The following PPP1R12A variants were observed in gnomAD, a reference collection of about 807,000 sequenced individuals.
The protein encoded by PPP1R12A is myosin binding subunit.
A neutral mutation model predicts 139.6 loss-of-function variants in PPP1R12A; 19 were observed. The ratio of observed to expected loss-of-function variants is 0.14; its 90% CI spans 0.09 to 0.20. The LOEUF is 0.20. PPP1R12A is among the 10% of genes least tolerant of loss of function. The pLI is 1.00. For synonymous variants in PPP1R12A, 427 were observed against 420.6 expected, an observed-to-expected ratio of 1.02 and a Z score of -0.19; for missense variants, 925 against 1,211.5, an observed-to-expected ratio of 0.76 and a Z score of 3.51.
At chr12:79,853,775 G>A (rs983684675) in intron 2 of PPP1R12A, among the ~76,000 whole-genome samples, 6 of 152,080 alleles carry the variant, frequency 3.9e-5, no homozygotes, top group African/African-American at 1.4e-4. Context: ...CTTTATTACT[G>A]CAACTTCCAA....
chr12:79,803,819 G>A (rs899303726), intron 14 of PPP1R12A, among the ~76,000 whole-genome samples: 2 of 151,856 alleles, frequency 1.3e-5, no homozygotes, highest in East Asian at 1.9e-4. Context: ...ATATCCAAGC[G>A]TTTAATTTTC....
intron 14 of PPP1R12A, among the ~76,000 whole-genome samples, chr12:79,804,597 G>C (rs1592640078): frequency 6.6e-6 from 1 of 151,896 alleles, no homozygotes; most frequent in East Asian, 1.9e-4. Context: ...CTGTATGTAA[G>C]TACTACGTGA....
At chr12:79,825,860 AAAC>A (rs1876693043) in intron 5 of PPP1R12A, among the ~76,000 whole-genome samples, 2 of 152,114 alleles carry the variant, frequency 1.3e-5, no homozygotes, top group South Asian at 4.2e-4. Flanking sequence ...CAGACAATAA[AAAC>A]AGTCTAATTC....
intron 14 of PPP1R12A, among the ~76,000 whole-genome samples, chr12:79,803,221 C>T (rs562772204): frequency 6.6e-6 from 1 of 152,196 alleles, no homozygotes; most frequent in South Asian, 2.1e-4. Flanking sequence ...TGATAATTAC[C>T]ACCTAATATT....
intron 5 of PPP1R12A, among the ~76,000 whole-genome samples, chr12:79,822,435 C>T (rs993269835): frequency 2.0e-5 from 3 of 152,058 alleles, no homozygotes; most frequent in African/African-American, 7.2e-5. Flanking sequence ...AATTCATATA[C>T]CATACAAATC....
At chr12:79,890,905 C>CCCACA (rs1555235834) in intron 1 of PPP1R12A, among the ~76,000 whole-genome samples, 7 of 115,682 alleles carry the variant, frequency 6.1e-5, no homozygotes, top group Admixed American at 1.8e-4. Flanking sequence ...CCACACCCAC[C>CCCACA]CACACACACA....
intron 14 of PPP1R12A, among the ~76,000 whole-genome samples, chr12:79,799,442 G>A (rs1872845088): frequency 6.6e-6 from 1 of 152,266 alleles, no homozygotes; most frequent in Middle Eastern, 3.4e-3. Context: ...GGGCCACCGC[G>A]CCCGGTCTCC....
chr12:79,838,107 A>G (rs1013549655), intron 3 of PPP1R12A, among the ~76,000 whole-genome samples: 1 of 152,200 alleles, frequency 6.6e-6, no homozygotes, highest in Non-Finnish European at 1.5e-5. Flanking sequence ...TTTGACCAAA[A>G]TGCTGATAGT....
At chr12:79,790,431 G>C in intron 20 of PPP1R12A, 36 bp downstream of exon 20, 4 of 1,228,348 alleles carry the variant, frequency 3.3e-6, no homozygotes, top group Non-Finnish European at 4.4e-6. Context: ...ATAAAAATAA[G>C]AAAAAAATGT....
rs1217945063 is a variant in PPP1R12A at position 79,874,650 on chromosome 12, TA to T, written c.238-1713del. The stretch of plus-strand genomic sequence containing the variant: ...GAATCTTCAGTAATTCTTAAGAATA[TA>T]AAGAAGTCCTAAAATAAAAAAAAAA... On this transcript the variant is annotated intron_variant, in intron 1 of 24. Coordinates refer to ENST00000450142, the MANE Select transcript of PPP1R12A (RefSeq NM_002480.3). Among the ~76,000 whole-genome samples the T allele has an allele frequency of 2.6e-5, 4 of 152,082 alleles. No individual in the cohort carries two copies. In the East Asian group the frequency reaches 7.7e-4, roughly 29 times the overall value.
intron 2 of PPP1R12A, among the ~76,000 whole-genome samples, chr12:79,861,637 A>G (rs1455334309): frequency 1.3e-5 from 2 of 152,122 alleles, no homozygotes; most frequent in African/African-American, 4.8e-5. Context: ...TGGTCTTTGC[A>G]ACCAGCAGAC....
chr12:79,897,701 C>T (rs772129266), intron 1 of PPP1R12A, among the ~76,000 whole-genome samples: 1 of 152,154 alleles, frequency 6.6e-6, no homozygotes, highest in African/African-American at 2.4e-5. Flanking sequence ...CAGAGAAGAA[C>T]GTGGTACCAC....
At chr12:79,785,175 T>C (rs1322417228) in intron 22 of PPP1R12A, among the ~76,000 whole-genome samples, 1 of 152,250 alleles carries the variant, frequency 6.6e-6, no homozygotes, top group Non-Finnish European at 1.5e-5. Context: ...GTAGTTTTAA[T>C]GTGTATGACA....
At chr12:79,781,217 G>A (rs960878450) in intron 23 of PPP1R12A, among the ~76,000 whole-genome samples, 24 of 152,074 alleles carry the variant, frequency 1.6e-4, no homozygotes, top group Admixed American at 1.6e-3. Context: ...AATAAGTGAA[G>A]AGAAATACAA....
chr12:79,836,178 AAAT>A (rs1282652819), intron 3 of PPP1R12A, among the ~76,000 whole-genome samples: 14 of 152,206 alleles, frequency 9.2e-5, no homozygotes, highest in African/African-American at 2.9e-4. Context: ...ATTTTTATAA[AAAT>A]CAAATGCCAC....
chr12:79,784,512 T>C (rs1870868113), intron 22 of PPP1R12A, among the ~76,000 whole-genome samples: 2 of 152,136 alleles, frequency 1.3e-5, no homozygotes, highest in Admixed American at 1.3e-4. Flanking sequence ...CTGAGAGACA[T>C]ACAGGAAGAA....
intron 1 of PPP1R12A, among the ~76,000 whole-genome samples, chr12:79,916,774 C>T (rs1484637701): frequency 2.0e-5 from 3 of 152,148 alleles, no homozygotes; most frequent in African/African-American, 7.2e-5. Context: ...GAACCATCAA[C>T]ACCAGCTTCT....
At position 79,876,328 on chromosome 12, in the gene PPP1R12A, C is replaced by T. The variant is rs563458885; in HGVS notation, c.238-3390G>A. On this transcript the variant is annotated intron_variant, in intron 1 of 24. Transcript: ENST00000450142. The stretch of plus-strand genomic sequence containing the variant: ...TTTACTGAGAGCAGGAATTCTGCTG[C>T]ATCCTCAATACCATGCACAGTTCTT... Among the ~76,000 whole-genome samples the T allele has an allele frequency of 5.9e-5, 9 of 152,336 alleles. No individual in the cohort carries two copies. The South Asian group carries it at 1.2e-3, about 21-fold the overall frequency.
chr12:79,897,449 G>C (rs1157403201), intron 1 of PPP1R12A, among the ~76,000 whole-genome samples: 1 of 152,072 alleles, frequency 6.6e-6, no homozygotes, highest in Non-Finnish European at 1.5e-5. Flanking sequence ...ACTTTGCTCA[G>C]TACCTGGGTA....
Sources: allele counts gnomAD v4.1 joint callset (sites outside exome capture counted in the v4.1 genomes callset), GRCh38; gene constraint gnomAD v4.1.1; transcripts MANE v1.5; gene names NCBI Gene and HGNC (gene_info 2026-07-23, HGNC 2026-07-21).